CLSTN2: variants seen among roughly 807,000 people sequenced by gnomAD.
CLSTN2 encodes the protein calsyntenin 2, also known as calsyntenin-2.
A neutral mutation model predicts 101.2 loss-of-function variants in CLSTN2; 48 were observed. That is an observed-to-expected ratio of 0.47 (90% CI 0.38 to 0.60). CLSTN2 has a LOEUF of 0.60. Among genes scored for constraint, CLSTN2 ranks in the 20% least tolerant of loss-of-function variants. The pLI, the probability that CLSTN2 is intolerant of heterozygous loss-of-function variation, is 0.00. For missense variants in CLSTN2, 1,160 were observed against 1,238.2 expected, an observed-to-expected ratio of 0.94 and a Z score of 0.95; for synonymous variants, 481 against 463.6, an observed-to-expected ratio of 1.04 and a Z score of -0.48.
chr3:140,414,936 T>C (rs1234559116), intron 4 of CLSTN2, among the ~76,000 whole-genome samples: 2 of 151,954 alleles, frequency 1.3e-5, no homozygotes, highest in Admixed American at 1.3e-4. Flanking sequence ...TATAAAACTA[T>C]ATTGCAAAGC....
intron 8 of CLSTN2, among the ~76,000 whole-genome samples, chr3:140,527,124 A>G (rs887652232): frequency 2.6e-5 from 4 of 152,202 alleles, no homozygotes; most frequent in African/African-American, 7.2e-5. Flanking sequence ...ATAGCAAAAG[A>G]ATTTATCAAC....
Position 139,935,513 on chromosome 3 carries a change from C to CTCCTGGG in CLSTN2, c.109+30_109+31insTCCTGGG. Reference sequence around the variant, plus strand: ...GTGCTGGGGAAGTTTGCTCTTCTCCCAGGAGGGAGGCAGGGCAGGCTTGAG... The same window carrying CTCCTGGG: ...GTGCTGGGGAAGTTTGCTCTTCTCCCTCCTGGGAGGAGGGAGGCAGGGCAGGCTTGAG... On this transcript the variant is annotated intron_variant, in intron 1 of 16. Coordinates refer to ENST00000458420, the MANE Select transcript of CLSTN2 (RefSeq NM_022131.3). This position sits in a 1 kb window ranked among gnomAD's most constrained non-coding sequence, Gnocchi z 5.5. 8.9e-7 allele frequency: 1 copy of CTCCTGGG among 1,119,688 alleles called. No individual in the cohort carries two copies. The highest frequency in any genetic ancestry group is 2.3e-4 in the Middle Eastern group (1 of 4,310). The allele number at this position is 1,119,688 out of a possible 1,614,324, so 69.4% of individuals were successfully genotyped here.
chr3:140,420,291 CA>C (rs777798328), intron 4 of CLSTN2, among the ~76,000 whole-genome samples: 9,874 of 133,984 alleles, frequency 0.074, 361 homozygotes, highest in African/African-American at 0.12. Flanking sequence ...ACTCTGCCGC[CA>C]AAAAAAAAAA....
chr3:140,399,388 T>C (rs55643627), intron 2 of CLSTN2, among the ~76,000 whole-genome samples: 4 of 152,034 alleles, frequency 2.6e-5, no homozygotes, highest in Non-Finnish European at 5.9e-5. Flanking sequence ...TAAATATCTT[T>C]CTATCTAGAA....
At chr3:140,170,132 G>C (rs1451652521) in intron 1 of CLSTN2, among the ~76,000 whole-genome samples, 2 of 152,304 alleles carry the variant, frequency 1.3e-5, no homozygotes, top group Admixed American at 6.5e-5. Flanking sequence ...ATAGGAACAT[G>C]ATTCAGCCAT....
chr3:140,485,063 G>A (rs2081804), intron 8 of CLSTN2, among the ~76,000 whole-genome samples: 12,230 of 152,176 alleles, frequency 0.08, 636 homozygotes, highest in Non-Finnish European at 0.11. Context: ...CAGTTTTTGT[G>A]CTCTGTTTTT....
intron 2 of CLSTN2, among the ~76,000 whole-genome samples, chr3:140,324,021 G>T (rs2087308861): frequency 6.6e-6 from 1 of 152,202 alleles, no homozygotes; most frequent in African/African-American, 2.4e-5. Flanking sequence ...AAGAAGAATA[G>T]ATCTCTGAGG....
intron 1 of CLSTN2, among the ~76,000 whole-genome samples, chr3:140,166,526 A>T (rs2010137263): frequency 6.6e-6 from 1 of 152,228 alleles, no homozygotes; most frequent in Non-Finnish European, 1.5e-5. Context: ...CAGAAACGTC[A>T]TCTTTAGGTA....
At chr3:140,045,443 C>G (rs2007856145) in intron 1 of CLSTN2, among the ~76,000 whole-genome samples, 1 of 152,096 alleles carries the variant, frequency 6.6e-6, no homozygotes, top group Non-Finnish European at 1.5e-5. Context: ...TGCTAGCAGT[C>G]TATCAATTTT....
chr3:140,288,424 G>T (rs1027082882), intron 2 of CLSTN2, among the ~76,000 whole-genome samples: 5 of 152,124 alleles, frequency 3.3e-5, no homozygotes, highest in African/African-American at 4.8e-5. Context: ...ATATCCAGCT[G>T]TTCCAAGAGG....
chr3:140,484,047 C>A (rs1284734594), intron 8 of CLSTN2, among the ~76,000 whole-genome samples: 3 of 152,294 alleles, frequency 2.0e-5, no homozygotes, highest in African/African-American at 7.2e-5. Flanking sequence ...GATGCATTTT[C>A]TTCCTAGCCT....
At chr3:140,523,551 A>G (rs930823037) in intron 8 of CLSTN2, among the ~76,000 whole-genome samples, 1 of 152,226 alleles carries the variant, frequency 6.6e-6, no homozygotes, top group African/African-American at 2.4e-5. Flanking sequence ...CTATCCAGTC[A>G]GGCTGAAAAT....
chr3:140,397,193 A>C (rs971077197), intron 2 of CLSTN2, among the ~76,000 whole-genome samples: 3 of 152,172 alleles, frequency 2.0e-5, no homozygotes, highest in African/African-American at 7.2e-5. Flanking sequence ...TATTGAGCTT[A>C]ATAGAAAACA....
Position 139,935,407 on chromosome 3 carries a change from C to A in CLSTN2, c.33C>A (p.Leu11=). 8.1e-7 allele frequency: 1 copy of A among 1,230,818 alleles called. No homozygotes were observed. The highest frequency in any genetic ancestry group is 4.1e-5 in the South Asian group (1 of 24,282). 76.2% of individuals were successfully genotyped at this position (1,230,818 alleles called of 1,614,324 possible). A position where few individuals can be genotyped will look rare whatever the true frequency, so the allele number is the denominator to read the frequency against. The change falls in exon 1 of 17, where the codon CTC becomes CTA. Residue 11 remains leucine, a synonymous_variant. Transcript: ENST00000458420. The surrounding 1 kb of genome is among the most constrained non-coding windows in gnomAD (Gnocchi z 5.5). The part of the protein sequence containing the change: MLPGRLCWVP[L]LLALGVGSGS... ...CTGGGCGGCTGTGCTGGGTGCCGCTCCTGCTGGCGCTGGGCGTGGGGAGCG... is the reference window on the plus strand; with the variant it reads ...CTGGGCGGCTGTGCTGGGTGCCGCTACTGCTGGCGCTGGGCGTGGGGAGCG...
At chr3:140,506,529 G>A (rs570502679) in intron 8 of CLSTN2, 5 of 152,296 alleles carry the variant, frequency 3.3e-5, no homozygotes, top group Admixed American at 2.0e-4. Flanking sequence ...TAAAAGGCTC[G>A]GTGCCCAGTA....
intron 2 of CLSTN2, among the ~76,000 whole-genome samples, chr3:140,306,216 AC>A (rs780223317): frequency 1.3e-5 from 2 of 152,194 alleles, no homozygotes; most frequent in Non-Finnish European, 2.9e-5. Context: ...TGTGTTAAAC[AC>A]AAAATGCTGG....
At chr3:140,074,347 C>A (rs546377233) in intron 1 of CLSTN2, among the ~76,000 whole-genome samples, 1 of 152,182 alleles carries the variant, frequency 6.6e-6, no homozygotes, top group East Asian at 1.9e-4. Flanking sequence ...GTGCATTGGC[C>A]GGGGTGTTGA....
chr3:140,259,805 A>G (rs2086634874), intron 2 of CLSTN2, among the ~76,000 whole-genome samples: 1 of 152,122 alleles, frequency 6.6e-6, no homozygotes. Context: ...AGGATAGGTG[A>G]GTTCATTTTT....
At chr3:140,435,820 G>A (rs190001936) in intron 5 of CLSTN2, among the ~76,000 whole-genome samples, 88 of 152,306 alleles carry the variant, frequency 5.8e-4, no homozygotes, top group South Asian at 4.1e-4. Context: ...CTGATGATCA[G>A]TGATGTTGAG....
Sources: gnomAD v4.1 joint callset for allele counts (sites outside exome capture counted in the v4.1 genomes callset) on GRCh38, gnomAD v4.1.1 for gene constraint, Gnocchi (gnomAD v3.1) non-coding constraint, MANE v1.5 for transcripts, NCBI Gene and HGNC (gene_info 2026-07-23, HGNC 2026-07-21) for gene names.